DOCK7: variants seen among roughly 807,000 people sequenced by gnomAD.
DOCK7 encodes dedicator of cytokinesis 7.
DOCK7 carries 138 observed loss-of-function variants against 271.0 expected under a neutral mutation model. That is an observed-to-expected ratio of 0.51 (90% confidence interval 0.44 to 0.59). The LOEUF (loss-of-function observed/expected upper bound fraction) is 0.59. Ranked by LOEUF, DOCK7 falls within the 20% of genes least tolerant of loss-of-function variation. The pLI is 0.00. For synonymous variants in DOCK7, 823 were observed against 876.1 expected, an observed-to-expected ratio of 0.94 and a Z score of 1.07; for missense variants, 2,066 against 2,592.4, an observed-to-expected ratio of 0.80 and a Z score of 4.41.
chr1:62,481,098 G>A (rs947071842), intron 43 of DOCK7, among the ~76,000 whole-genome samples: 90 of 152,176 alleles, frequency 5.9e-4, no homozygotes, highest in African/African-American at 2.1e-3. Context: ...GAAGGAGATG[G>A]AAGACTTATT....
At chr1:62,613,852 C>G (rs1165726471) in intron 14 of DOCK7, among the ~76,000 whole-genome samples, 1 of 151,994 alleles carries the variant, frequency 6.6e-6, no homozygotes, top group Non-Finnish European at 1.5e-5. Context: ...ATGAACAATG[C>G]TTAAATTCCT....
At chr1:62,505,637 A>T in intron 36 of DOCK7, 45 bp downstream of exon 36, 3 of 1,563,020 alleles carry the variant, frequency 1.9e-6, no homozygotes, top group East Asian at 2.3e-5. Context: ...CAATGTTAAT[A>T]AAAAAAACAA....
chr1:62,496,661 G>A (rs1195827736), intron 37 of DOCK7, among the ~76,000 whole-genome samples, 164 bp from the exon 38 acceptor site: 1 of 152,132 alleles, frequency 6.6e-6, no homozygotes, highest in Admixed American at 6.5e-5. Context: ...TAGAAAGGTT[G>A]TAAAACTTAG....
At chr1:62,463,779 T>C (rs1645597351) in intron 48 of DOCK7, among the ~76,000 whole-genome samples, 1 of 151,964 alleles carries the variant, frequency 6.6e-6, no homozygotes, top group African/African-American at 2.4e-5. Context: ...AGAAAGGAAA[T>C]GATAAATATG....
intron 1 of DOCK7, among the ~76,000 whole-genome samples, chr1:62,675,190 G>A (rs1053254719): frequency 3.3e-5 from 5 of 152,164 alleles, no homozygotes; most frequent in African/African-American, 1.2e-4. Flanking sequence ...TGAGCGGGGA[G>A]GATCACTTGA....
intron 36 of DOCK7, among the ~76,000 whole-genome samples, chr1:62,505,310 G>A (rs1646907901): frequency 6.6e-6 from 1 of 152,050 alleles, no homozygotes; most frequent in African/African-American, 2.4e-5. Context: ...ATTTCAGTGG[G>A]TTGAATTGCT....
rs372936902 is a variant in DOCK7 at position 62,513,471 on chromosome 1, C to T, written c.4255G>A (p.Gly1419Ser). 14 of 1,611,946 alleles carry T rather than the reference C, an allele frequency of 8.7e-6. No individual in the cohort carries two copies. Among genetic ancestry groups the T allele is most frequent in the East Asian group, 6.7e-5 (3 of 44,864 alleles). The change falls in exon 33 of 50, where the codon GGT becomes AGT. Residue 1419 changes from glycine (G) to serine (S), a missense_variant. This residue lies in a region of DOCK7 where 652 missense variants were observed against 922.1 expected (regional missense o/e 0.71). Coordinates refer to ENST00000635253, the MANE Select transcript of DOCK7 (RefSeq NM_001367561.1). ...EMVRRSRGQL[G>S]TYTIASPPER... The stretch of plus-strand genomic sequence containing the variant: ...GGAGGAGAAGCTATTGTGTACGTAC[C>T]GAGCTGTCCTCGGCTTCGCCGTACC...
Position 62,634,939 on chromosome 1 carries a change from T to G in DOCK7, c.886-17A>C, listed in dbSNP as rs571222719. On this transcript the variant is annotated splice_polypyrimidine_tract_variant and intron_variant, in intron 8 of 49. Coordinates refer to ENST00000635253, the MANE Select transcript of DOCK7 (RefSeq NM_001367561.1). ...TTCTGAAATCTAAAAAATATTAGTA[T>G]GTTAAACTTTAAAATATGTACATTT... is the stretch of plus-strand genomic sequence containing the variant. 1.8e-5 allele frequency: 28 copies of G among 1,544,072 alleles called. 1 individual carries two copies. The South Asian group carries it at 3.3e-4, about 18-fold the overall frequency.
chr1:62,654,285 C>G, intron 2 of DOCK7, 126 bp from the exon 3 acceptor site: 2 of 937,656 alleles, frequency 2.1e-6, no homozygotes, highest in Non-Finnish European at 3.1e-6. Flanking sequence ...AAAATTTTCA[C>G]AGATATTCAA....
chr1:62,589,880 TAA>T lies in DOCK7; in HGVS notation c.1683-3258_1683-3257del, dbSNP rs543247913. ...CTGGGTGACAGAGCAAGACTCCATC[TAA>T]AAAAAAAAAAAAAAAAAAAGTATAT... On this transcript the variant is annotated intron_variant, in intron 14 of 49. Transcript: ENST00000635253. 2.3e-3 allele frequency among the ~76,000 whole-genome samples: 229 copies of T among 99,572 alleles called. 3 individuals are homozygous for T. Among genetic ancestry groups the T allele is most frequent in the African/African-American group, 7.0e-3 (188 of 26,816 alleles). The allele number at this position is 99,572 out of a possible 152,430, so 65.3% of individuals were successfully genotyped here.
At chr1:62,671,645 C>T (rs1421547246) in intron 1 of DOCK7, among the ~76,000 whole-genome samples, 1 of 152,166 alleles carries the variant, frequency 6.6e-6, no homozygotes, top group East Asian at 1.9e-4. Flanking sequence ...AAAAGTATGC[C>T]TTCTTATCTA....
chr1:62,639,719 G>A (rs373036279), intron 7 of DOCK7, among the ~76,000 whole-genome samples: 9 of 151,820 alleles, frequency 5.9e-5, no homozygotes, highest in East Asian at 1.9e-4. Context: ...GTGAGCCACC[G>A]GGCCCGGCCA....
At chr1:62,635,007 CT>C in intron 8 of DOCK7, 85 bp from the exon 9 acceptor site, 2 of 764,104 alleles carry the variant, frequency 2.6e-6, no homozygotes, top group Non-Finnish European at 4.0e-6. Flanking sequence ...CTGCTACTTA[CT>C]TTTAGAACTC....
intron 13 of DOCK7, among the ~76,000 whole-genome samples, chr1:62,619,172 C>T (rs543338385): frequency 1.3e-5 from 2 of 152,198 alleles, no homozygotes; most frequent in African/African-American, 4.8e-5. Flanking sequence ...GGCATAGGAA[C>T]AAGCTAAGTC....
chr1:62,631,306 T>C lies in DOCK7; in HGVS notation c.1216A>G (p.Met406Val). The C allele has an allele frequency of 1.2e-6, 2 of 1,613,658 alleles. No homozygotes were observed. The highest frequency in any genetic ancestry group is 1.7e-6 in the Non-Finnish European group (2 of 1,179,820). The change falls in exon 11 of 50, where the codon ATG becomes GTG. Residue 406 changes from methionine (M) to valine (V), a missense_variant. Around this residue, in one of 2 missense-constraint regions of DOCK7, gnomAD observed 1,414 missense variants for 1,670.4 expected, o/e 0.85. Coordinates refer to ENST00000635253, the MANE Select transcript of DOCK7 (RefSeq NM_001367561.1). ...MPFAWTAIHL[M>V]NIVSSAGSLE... ...CTCCCAGCACTGCTAACAATATTCATTAAATGGATTGCAGTCCAAGCAAAA... is the reference window on the plus strand; with the variant it reads ...CTCCCAGCACTGCTAACAATATTCACTAAATGGATTGCAGTCCAAGCAAAA...
intron 14 of DOCK7, among the ~76,000 whole-genome samples, chr1:62,603,108 G>A (rs1383587003): frequency 3.3e-5 from 5 of 151,590 alleles, no homozygotes; most frequent in Non-Finnish European, 7.4e-5. Context: ...CTACCTAGAA[G>A]GTATACTCAG....
chr1:62,570,554 A>G (rs867175207), intron 18 of DOCK7, among the ~76,000 whole-genome samples: 3 of 152,316 alleles, frequency 2.0e-5, no homozygotes, highest in Middle Eastern at 3.4e-3. Flanking sequence ...TTAAAAAGCT[A>G]TTTTAAAATT....
At chr1:62,604,160 G>C in intron 14 of DOCK7, 2 of 1,613,306 alleles carry the variant, frequency 1.2e-6, no homozygotes, top group Non-Finnish European at 1.7e-6. Context: ...TGCAATCCCG[G>C]AAAACAAAGA....
In DOCK7 at chr1:62,623,506, T is replaced by C. The variant is rs142363602; in HGVS notation, c.1425+1753A>G. 5.7e-4 allele frequency among the ~76,000 whole-genome samples: 87 copies of C among 152,268 alleles called. 1 individual carries two copies. The East Asian group carries it at 0.013, about 23-fold the overall frequency. ...GCTCAAAAAATACTGGTTGGATAAA[T>C]AGATAGGGGGTAGATGGCTTATTGA... On this transcript the variant is annotated intron_variant, in intron 12 of 49. Transcript: ENST00000635253.
Sources: allele counts gnomAD v4.1 joint callset (sites outside exome capture counted in the v4.1 genomes callset), GRCh38; gene constraint gnomAD v4.1.1; regional missense constraint gnomAD v4.1.1; transcripts MANE v1.5; gene names NCBI Gene and HGNC (gene_info 2026-07-23, HGNC 2026-07-21).